Variants in ERBB4 observed in about 807,000 individuals in gnomAD.
ERBB4 encodes erb-b2 receptor tyrosine kinase 4.
Under a neutral mutation model 158.0 loss-of-function variants are expected in ERBB4, and 42 were observed. The observed-to-expected ratio is 0.27, with a 90% CI of 0.21 to 0.34. The LOEUF is 0.34. ERBB4 is among the 10% of genes least tolerant of loss of function. The pLI, the probability that ERBB4 is intolerant of heterozygous loss-of-function variation, is 1.00. For missense variants in ERBB4, 1,333 were observed against 1,624.1 expected (o/e 0.82, Z 3.08); for synonymous variants, 583 against 558.7 (o/e 1.04, Z -0.61).
At chr2:211,767,211 A>T (rs2075572500) in intron 4 of ERBB4, among the ~76,000 whole-genome samples, 1 of 152,192 alleles carries the variant, frequency 6.6e-6, no homozygotes, top group African/African-American at 2.4e-5. Context: ...AAACACCAAG[A>T]ACCTGGTCAC....
intron 20 of ERBB4, among the ~76,000 whole-genome samples, chr2:211,443,134 C>A (rs186369903): frequency 2.6e-5 from 4 of 152,034 alleles, no homozygotes; most frequent in African/African-American, 9.6e-5. Flanking sequence ...CTTTCTATTG[C>A]CTTTGGATCA....
intron 2 of ERBB4, among the ~76,000 whole-genome samples, chr2:212,119,782 T>A (rs1271864951): frequency 2.0e-5 from 3 of 152,122 alleles, no homozygotes; most frequent in Admixed American, 6.5e-5. Context: ...GAGATAAGCA[T>A]CAAGATTGCT....
chr2:211,377,660 T>C lies in ERBB4; in HGVS notation c.*5955A>G, dbSNP rs1207063731. 1 of 232,434 alleles carries C rather than the reference T, an allele frequency of 4.3e-6. No individual in the cohort carries two copies. Among genetic ancestry groups the C allele is most frequent in the East Asian group, 6.1e-5 (1 of 16,436 alleles). The allele number at this position is 232,434 out of a possible 1,614,324, so 14.4% of individuals were successfully genotyped here. ...TTGGGAGAAAAAAATTTACAGCAGC[T>C]ACAAAATATTTACGATTAGGAACCA... On this transcript the variant is annotated 3_prime_UTR_variant, in exon 28 of 28. Transcript: ENST00000342788.
At chr2:211,974,090 G>A (rs978469651) in intron 2 of ERBB4, among the ~76,000 whole-genome samples, 2 of 152,082 alleles carry the variant, frequency 1.3e-5, no homozygotes, top group South Asian at 2.1e-4. Flanking sequence ...GAGGGTGGAC[G>A]GTGGGAGGAG....
chr2:211,784,731 A>G (rs1455573996), intron 4 of ERBB4, among the ~76,000 whole-genome samples: 1 of 152,116 alleles, frequency 6.6e-6, no homozygotes, highest in Non-Finnish European at 1.5e-5. Context: ...AAGGATTCCA[A>G]TTTCTTCACC....
chr2:211,974,233 C>T (rs1163736476), intron 2 of ERBB4, among the ~76,000 whole-genome samples: 1 of 151,288 alleles, frequency 6.6e-6, no homozygotes, highest in Non-Finnish European at 1.5e-5. Flanking sequence ...AACTTAAAAG[C>T]TTTTTTTTTA....
chr2:212,477,556 A>G (rs550302940), intron 1 of ERBB4, among the ~76,000 whole-genome samples: 2 of 152,346 alleles, frequency 1.3e-5, no homozygotes, highest in Non-Finnish European at 2.9e-5. Flanking sequence ...CCAAATTCCT[A>G]TAATTCAAAT....
intron 1 of ERBB4, among the ~76,000 whole-genome samples, chr2:212,450,111 C>A (rs1395651585): frequency 2.6e-5 from 4 of 152,040 alleles, no homozygotes; most frequent in Non-Finnish European, 5.9e-5. Flanking sequence ...ATCCTAAGAA[C>A]CACTAAACCA....
intron 20 of ERBB4, among the ~76,000 whole-genome samples, chr2:211,452,743 A>C (rs577193191): frequency 1.4e-3 from 217 of 152,258 alleles, no homozygotes; most frequent in African/African-American, 5.1e-3. Context: ...CATAGTATAG[A>C]ACCTTAATTA....
intron 2 of ERBB4, among the ~76,000 whole-genome samples, chr2:212,000,268 C>G (rs2076073712): frequency 6.6e-6 from 1 of 151,812 alleles, no homozygotes; most frequent in African/African-American, 2.4e-5. Flanking sequence ...TACATTTACC[C>G]TGAATTTCCG....
intron 2 of ERBB4, among the ~76,000 whole-genome samples, chr2:211,996,132 ATTAG>A (rs1328028683): frequency 3.3e-5 from 5 of 152,178 alleles, no homozygotes; most frequent in African/African-American, 1.2e-4. Flanking sequence ...GTAGATATTA[ATTAG>A]TATCATTATT....
At chr2:212,181,667 C>A (rs1407375595) in intron 1 of ERBB4, among the ~76,000 whole-genome samples, 3 of 151,658 alleles carry the variant, frequency 2.0e-5, no homozygotes, top group African/African-American at 7.2e-5. Flanking sequence ...AAAAATAAGT[C>A]ACAATTAATA....
At chr2:211,653,492 C>T (rs1192658606) in intron 16 of ERBB4, among the ~76,000 whole-genome samples, 8 of 149,002 alleles carry the variant, frequency 5.4e-5, no homozygotes, top group East Asian at 2.0e-4. Flanking sequence ...CCCCCACGCC[C>T]GCCCCGCTGG....
At chr2:211,508,772 T>C (rs1042963212) in intron 20 of ERBB4, among the ~76,000 whole-genome samples, 7 of 152,020 alleles carry the variant, frequency 4.6e-5, no homozygotes, top group African/African-American at 1.7e-4. Flanking sequence ...CCATCAGTGA[T>C]AGACTGGATA....
chr2:211,805,955 A>G (rs1481446851), intron 3 of ERBB4, among the ~76,000 whole-genome samples: 3 of 151,822 alleles, frequency 2.0e-5, no homozygotes, highest in Non-Finnish European at 4.4e-5. Context: ...AGAAATATAA[A>G]GAAGAGAAAA....
chr2:211,665,882 T>C (rs78442800), intron 14 of ERBB4, among the ~76,000 whole-genome samples: 2,377 of 152,300 alleles, frequency 0.016, 70 homozygotes, highest in African/African-American at 0.054. Flanking sequence ...AATATTATAG[T>C]GCAGCAATTT....
At chr2:212,461,984 G>A (rs916661519) in intron 1 of ERBB4, among the ~76,000 whole-genome samples, 3 of 152,214 alleles carry the variant, frequency 2.0e-5, no homozygotes, top group African/African-American at 4.8e-5. Flanking sequence ...CCCTAGCCAC[G>A]TGGAACTGTA....
intron 17 of ERBB4, among the ~76,000 whole-genome samples, chr2:211,629,380 C>G (rs1484801983): frequency 6.6e-6 from 1 of 152,060 alleles, no homozygotes; most frequent in African/African-American, 2.4e-5. Context: ...CAAACCACTG[C>G]TCAATGAAAT....
intron 1 of ERBB4, among the ~76,000 whole-genome samples, chr2:212,137,016 T>A (rs1402767): frequency 0.11 from 16,953 of 151,890 alleles, 1,449 homozygotes; most frequent in African/African-American, 0.24. Context: ...TTATTATAAT[T>A]TATTTTAAAT....
Sources: allele counts gnomAD v4.1 joint callset (sites outside exome capture counted in the v4.1 genomes callset), GRCh38; gene constraint gnomAD v4.1.1; transcripts MANE v1.5; gene names NCBI Gene and HGNC (gene_info 2026-07-23, HGNC 2026-07-21).